TRAF3: variants seen among roughly 807,000 people sequenced by gnomAD.
TRAF3 encodes TNF receptor associated factor 3, also known as TNF receptor-associated factor 3.
In TRAF3, 13 loss-of-function variants were observed where a neutral mutation model predicts 62.3. The ratio of observed to expected loss-of-function variants is 0.21; its 90% CI spans 0.14 to 0.33. TRAF3 has a LOEUF of 0.33. Ranked by LOEUF, TRAF3 falls within the 10% of genes least tolerant of loss-of-function variation. The pLI is 1.00. For synonymous variants in TRAF3, 269 were observed against 283.4 expected, an observed-to-expected ratio of 0.95 and a Z score of 0.51; for missense variants, 440 against 741.8, an observed-to-expected ratio of 0.59 and a Z score of 4.73.
chr14:102,810,210 G>A (rs757303880), intron 1 of TRAF3, among the ~76,000 whole-genome samples: 1 of 152,134 alleles, frequency 6.6e-6, no homozygotes, highest in Non-Finnish European at 1.5e-5. Flanking sequence ...TTGAGCAGGA[G>A]TTTTACAAGA....
intron 2 of TRAF3, among the ~76,000 whole-genome samples, chr14:102,837,345 C>G (rs2139661103): frequency 6.6e-6 from 1 of 152,202 alleles, no homozygotes; most frequent in South Asian, 2.1e-4. Context: ...CACTATGTTG[C>G]CCAGGCTGGT....
At chr14:102,778,703 G>A (rs927057865) in intron 1 of TRAF3, among the ~76,000 whole-genome samples, 1 of 152,174 alleles carries the variant, frequency 6.6e-6, no homozygotes, top group Non-Finnish European at 1.5e-5. Context: ...CAACTGAAGA[G>A]GAGCCATTAT....
chr14:102,857,400 A>G (rs1304575136), intron 2 of TRAF3, among the ~76,000 whole-genome samples: 2 of 152,232 alleles, frequency 1.3e-5, no homozygotes, highest in African/African-American at 4.8e-5. Context: ...TTGCTTTATT[A>G]TACTTGGCCT....
At chr14:102,802,233 C>T (rs1443613904) in intron 1 of TRAF3, among the ~76,000 whole-genome samples, 1 of 139,336 alleles carries the variant, frequency 7.2e-6, no homozygotes, top group Admixed American at 7.3e-5. Context: ...TGGCTCACTG[C>T]AACCTCCGCC....
At position 102,891,370 on chromosome 14, in the gene TRAF3, C is replaced by T; in HGVS notation, c.772C>T (p.Gln258Ter). 1 of 1,613,504 alleles carries T rather than the reference C, an allele frequency of 6.2e-7. No individual in the cohort carries two copies. Residue 258 changes from glutamine (Q) to a stop codon, truncating the protein, a stop_gained, in exon 9 of 12, where the codon CAG becomes TAG. Coordinates refer to ENST00000392745, the MANE Select transcript of TRAF3 (RefSeq NM_145725.3). LOFTEE classifies it high-confidence loss of function. ...IKAHEASSAVQHVNLLKEWSN... is the reference protein window; with the variant it reads ...IKAHEASSAV ...GGCCCACGAGGCCAGCTCCGCCGTG[C>T]AGCACGTCAACCTGCTGAAGGAGTG... is the stretch of plus-strand genomic sequence containing the variant.
At chr14:102,898,195 A>G (rs1318777556) in intron 10 of TRAF3, among the ~76,000 whole-genome samples, 1 of 152,194 alleles carries the variant, frequency 6.6e-6, no homozygotes, top group East Asian at 1.9e-4. Context: ...CTTTTCTCCA[A>G]TTTTTGACAT....
At chr14:102,834,735 C>T (rs7146581) in intron 2 of TRAF3, among the ~76,000 whole-genome samples, 61,346 of 147,402 alleles carry the variant, frequency 0.42, 17,742 homozygotes, top group African/African-American at 0.82. Context: ...CTACACCATG[C>T]ACAAAAATCA....
chr14:102,853,329 G>A lies in TRAF3; in HGVS notation c.-17-16856G>A, dbSNP rs142785458. ...TGGGATTACAGGTGTGAGCTACCAC[G>A]TCCTGCCTGCTAGCCATTTTTTTAT... On this transcript the variant is annotated intron_variant, in intron 2 of 11. Transcript: ENST00000392745. 5.7e-3 allele frequency among the ~76,000 whole-genome samples: 871 copies of A among 152,080 alleles called. 9 individuals carry two copies. Among genetic ancestry groups the A allele is most frequent in the Admixed American group, 9.9e-3 (151 of 15,284 alleles).
intron 7 of TRAF3, among the ~76,000 whole-genome samples, chr14:102,888,921 C>T (rs911603668): frequency 9.2e-5 from 14 of 152,262 alleles, no homozygotes; most frequent in South Asian, 4.1e-4. Flanking sequence ...GAGTTACCTG[C>T]TCCCAGCCCC....
intron 3 of TRAF3, 31 bp from the exon 4 acceptor site, chr14:102,871,886 C>T (rs1284280127): frequency 4.4e-6 from 7 of 1,608,732 alleles, no homozygotes; most frequent in African/African-American, 1.3e-5. Context: ...GGGACTTCCA[C>T]TCTAATGCAG....
chr14:102,886,735 A>C (rs147262462), intron 7 of TRAF3, among the ~76,000 whole-genome samples: 2,735 of 152,272 alleles, frequency 0.018, 31 homozygotes, highest in African/African-American at 0.02. Flanking sequence ...CAGCCTGGGC[A>C]ACAAGAGTTA....
chr14:102,838,279 G>C (rs566858921), intron 2 of TRAF3, among the ~76,000 whole-genome samples: 2 of 152,334 alleles, frequency 1.3e-5, no homozygotes, highest in Middle Eastern at 3.4e-3. Flanking sequence ...ACCTGAACAA[G>C]ACACATTGCT....
intron 6 of TRAF3, among the ~76,000 whole-genome samples, chr14:102,878,372 G>A (rs1238852731): frequency 6.8e-6 from 1 of 147,616 alleles, no homozygotes; most frequent in African/African-American, 2.5e-5. Flanking sequence ...GTAAGTGTGT[G>A]TGGGGGTGAG....
chr14:102,835,606 C>G (rs764017768), intron 2 of TRAF3, among the ~76,000 whole-genome samples: 4 of 152,164 alleles, frequency 2.6e-5, no homozygotes, highest in Admixed American at 2.6e-4. Context: ...TTTGCAAGAA[C>G]GTGGTTGGGA....
At chr14:102,811,428 C>T (rs1274943041) in intron 1 of TRAF3, among the ~76,000 whole-genome samples, 1 of 151,680 alleles carries the variant, frequency 6.6e-6, no homozygotes, top group East Asian at 1.9e-4. Context: ...TGGGCTTAAG[C>T]AGTTTTCGCC....
rs574218955 is a variant in TRAF3 at position 102,891,548 on chromosome 14, CTG to C, written c.819+136_819+137del. 5 of 1,011,146 alleles carry C rather than the reference CTG, an allele frequency of 4.9e-6. No homozygotes were observed. The South Asian group carries it at 5.7e-5, about 12-fold the overall frequency. The allele number at this position is 1,011,146 out of a possible 1,614,324, so 62.6% of individuals were successfully genotyped here. Reference sequence around the variant, plus strand: ...TATCAAGAGAATGTCAAAAAAAACTCTGTGTGATCTTGAGCTTATAAATGAAG... The same window carrying C: ...TATCAAGAGAATGTCAAAAAAAACTCTGTGATCTTGAGCTTATAAATGAAG... On this transcript the variant is annotated intron_variant, in intron 9 of 11. Coordinates refer to ENST00000392745, the MANE Select transcript of TRAF3 (RefSeq NM_145725.3).
At chr14:102,861,343 A>G (rs1887665592) in intron 2 of TRAF3, among the ~76,000 whole-genome samples, 1 of 152,226 alleles carries the variant, frequency 6.6e-6, no homozygotes, top group Non-Finnish European at 1.5e-5. Context: ...GAGGGACTCT[A>G]CTGAGAGGGG....
At chr14:102,816,076 T>C (rs1423203111) in intron 1 of TRAF3, among the ~76,000 whole-genome samples, 3 of 152,080 alleles carry the variant, frequency 2.0e-5, no homozygotes, top group South Asian at 2.1e-4. Flanking sequence ...ACCATAAATA[T>C]AAGGGCTTAT....
chr14:102,881,332 CA>C (rs1460480832), intron 6 of TRAF3, among the ~76,000 whole-genome samples: 5 of 149,698 alleles, frequency 3.3e-5, no homozygotes, highest in Non-Finnish European at 1.5e-5. Flanking sequence ...TGCAGTGAGC[CA>C]AGATTGTGCC....
Sources: gnomAD v4.1 joint callset for allele counts (sites outside exome capture counted in the v4.1 genomes callset) on GRCh38, gnomAD v4.1.1 for gene constraint, MANE v1.5 for transcripts, NCBI Gene and HGNC (gene_info 2026-07-23, HGNC 2026-07-21) for gene names.